Variants in POU6F1 observed in about 807,000 individuals in gnomAD.
POU6F1 encodes the protein POU domain, class 6, transcription factor 1.
POU6F1 carries 9 observed loss-of-function variants against 28.9 expected under a neutral mutation model. The ratio of observed to expected loss-of-function variants is 0.31; its 90% CI spans 0.19 to 0.54. POU6F1 has a LOEUF of 0.54. POU6F1 is among the 20% of genes least tolerant of loss of function. POU6F1 has a pLI of 0.94. For synonymous variants in POU6F1, 173 were observed against 171.1 expected (o/e 1.01, Z -0.09); for missense variants, 338 against 426.1 (o/e 0.79, Z 1.82).
At position 51,187,125 on chromosome 12, in the gene POU6F1, C is replaced by A. The variant is rs1942074359; in HGVS notation, c.*3122G>T. ...GGGCATGGGAAGGTAATTGGATTTC[C>A]AAGAACACAAAAATGTCAGAGTCTC... On this transcript the variant is annotated 3_prime_UTR_variant, in exon 11 of 11. Transcript: ENST00000333640. The A allele has an allele frequency of 3.9e-5, 6 of 152,228 alleles. No individual in the cohort carries two copies. In the South Asian group the frequency reaches 1.2e-3, roughly 32 times the overall value. The allele number at this position is 152,228 out of a possible 1,614,324, so 9.4% of individuals were successfully genotyped here.
In POU6F1 at chr12:51,201,306, G is replaced by A. The variant is rs189280898; in HGVS notation, c.245-1438C>T. Among the ~76,000 whole-genome samples, 1,126 of 152,148 alleles carry A rather than the reference G, an allele frequency of 7.4e-3. 4 individuals carry two copies. Among genetic ancestry groups the A allele is most frequent in the Non-Finnish European group, 0.011 (746 of 68,006 alleles). On this transcript the variant is annotated intron_variant, in intron 3 of 10. Transcript: ENST00000333640. ...CAAGAGACAAGCACACACCAACAAA[G>A]GCCTTATGAAATAGTAAAAGAAAAC...
chr12:51,196,267 T>C (rs1459465908), intron 7 of POU6F1, 94 bp from the exon 8 acceptor site: 1 of 1,093,902 alleles, frequency 9.1e-7, no homozygotes, highest in African/African-American at 1.6e-5. Context: ...AACAGACTAA[T>C]GGACAAATCC....
chr12:51,191,864 G>A, intron 9 of POU6F1, 100 bp from the exon 10 acceptor site: 2 of 1,432,046 alleles, frequency 1.4e-6, no homozygotes, highest in Non-Finnish European at 9.7e-7. Context: ...GAGAGGTGAG[G>A]ACACCTGGGA....
At chr12:51,209,040 C>T (rs887517768) in intron 1 of POU6F1, among the ~76,000 whole-genome samples, 8 of 152,220 alleles carry the variant, frequency 5.3e-5, no homozygotes, top group Non-Finnish European at 8.8e-5. Context: ...TCTTGGACTT[C>T]CCACCTTCAG....
At chr12:51,205,962 G>A (rs1592183148) in intron 2 of POU6F1, among the ~76,000 whole-genome samples, 1 of 150,178 alleles carries the variant, frequency 6.7e-6, no homozygotes, top group Non-Finnish European at 1.5e-5. Context: ...GGGATTACAG[G>A]TGCCCACCAC....
At chr12:51,205,881 C>T (rs572789967) in intron 2 of POU6F1, among the ~76,000 whole-genome samples, 11 of 148,442 alleles carry the variant, frequency 7.4e-5, no homozygotes, top group African/African-American at 2.5e-4. Context: ...TTCAGTGGCG[C>T]GATCTCGGCT....
In POU6F1 at chr12:51,195,972, C is replaced by A; in HGVS notation, c.1177G>T (p.Glu393Ter). Residue 393 changes from glutamate (E) to a stop codon, truncating the protein, a stop_gained and splice_region_variant, in exon 8 of 11, where the codon GAG becomes TAG. Transcript: ENST00000333640. LOFTEE classifies it high-confidence loss of function. The stretch of plus-strand genomic sequence containing the variant: ...CCCACCCCCCCCAGCCCCTGTACCT[C>A]ACTCTTAGCAGGGGACTCAGGTGTG... ...PSTPESPAKS[E>*]VQPIQPTPTV... The A allele has an allele frequency of 8.8e-7, 1 of 1,139,680 alleles. No homozygotes were observed. The highest frequency in any genetic ancestry group is 1.6e-5 in the African/African-American group (1 of 62,150). The allele number at this position is 1,139,680 out of a possible 1,614,324, so 70.6% of individuals were successfully genotyped here.
chr12:51,213,676 G>A (rs1278491609), intron 1 of POU6F1, among the ~76,000 whole-genome samples: 2 of 151,980 alleles, frequency 1.3e-5, no homozygotes, highest in African/African-American at 2.4e-5. Flanking sequence ...TGGGACTACA[G>A]GCGCCCACCA....
rs772024002 is a variant in POU6F1 at position 51,190,376 on chromosome 12, G to T, written c.1707C>A (p.Pro569=). The change falls in exon 11 of 11, where the codon CCC becomes CCA. Residue 569 remains proline, a synonymous_variant. Coordinates refer to ENST00000333640, the MANE Select transcript of POU6F1 (RefSeq NM_001330422.2). The surrounding 1 kb of genome is among the most constrained non-coding windows in gnomAD (Gnocchi z 4.5). The part of the protein sequence containing the change: ...LNAYFEKNPL[P]TGQEITEIAK... ...CAATTTCAGTGATCTCCTGGCCTGT[G>T]GGCAGTGGGTTCTTCTCAAAATAGG... 6 of 1,614,060 alleles carry T rather than the reference G, an allele frequency of 3.7e-6. No homozygotes were observed. The African/African-American group carries it at 8.0e-5, about 22-fold the overall frequency.
At chr12:51,197,243 G>T (rs1012319562) in intron 6 of POU6F1, among the ~76,000 whole-genome samples, 7 of 151,474 alleles carry the variant, frequency 4.6e-5, no homozygotes, top group Non-Finnish European at 1.0e-4. Flanking sequence ...GGGGTCTACC[G>T]GCTGGATGGT....
intron 1 of POU6F1, among the ~76,000 whole-genome samples, chr12:51,210,592 T>G (rs999293252): frequency 3.3e-5 from 5 of 152,146 alleles, no homozygotes; most frequent in African/African-American, 1.2e-4. Flanking sequence ...TGTGACTGTG[T>G]TATTAGGAGG....
intron 8 of POU6F1, 32 bp downstream of exon 8, chr12:51,195,938 G>A (rs1385500115): frequency 3.3e-6 from 3 of 916,232 alleles, no homozygotes; most frequent in African/African-American, 1.8e-5. Context: ...AGCAGAGCCT[G>A]CCCCACCCCC....
At chr12:51,214,523 C>T (rs927153463) in intron 1 of POU6F1, among the ~76,000 whole-genome samples, 42 of 152,154 alleles carry the variant, frequency 2.8e-4, no homozygotes, top group Non-Finnish European at 8.8e-5. Flanking sequence ...TCCACACCGA[C>T]GCCTGTCCCC....
chr12:51,196,135 A>G lies in POU6F1; in HGVS notation c.1014T>C (p.Ser338=). 1 of 1,566,296 alleles carries G rather than the reference A, an allele frequency of 6.4e-7. No homozygotes were observed. Among genetic ancestry groups the G allele is most frequent in the Non-Finnish European group, 8.6e-7 (1 of 1,158,808 alleles). Residue 338 remains serine, a synonymous_variant, in exon 8 of 11, where the codon AGT becomes AGC. Coordinates refer to ENST00000333640, the MANE Select transcript of POU6F1 (RefSeq NM_001330422.2). The stretch of plus-strand genomic sequence containing the variant: ...TTTGGGCTGGTGCTGGGGCCGCCAC[A>G]CTAGCTGAGTTCACTACCCATGGAA... The part of the protein sequence containing the change: ...GTLPWVVNSA[S]VAAPAPAQSL...
chr12:51,212,147 C>G (rs1000962269), intron 1 of POU6F1, among the ~76,000 whole-genome samples: 2 of 151,540 alleles, frequency 1.3e-5, no homozygotes, highest in South Asian at 4.2e-4. Context: ...AGGCTGGAGT[C>G]CAGTGGCACA....
In POU6F1 at chr12:51,217,080, C is replaced by G. The variant is rs914618580; in HGVS notation, c.-48+562G>C. Among the ~76,000 whole-genome samples the G allele has an allele frequency of 6.6e-6, 1 of 152,222 alleles. No individual in the cohort carries two copies. Among genetic ancestry groups the G allele is most frequent in the African/African-American group, 2.4e-5 (1 of 41,452 alleles). ...GGTGGCCCTCCCATCACTGACCCACCCTTCCAGCAACGCCTGGGTCCCTAC... is the reference window on the plus strand; with the variant it reads ...GGTGGCCCTCCCATCACTGACCCACGCTTCCAGCAACGCCTGGGTCCCTAC... On this transcript the variant is annotated intron_variant, in intron 1 of 10. Coordinates refer to ENST00000333640, the MANE Select transcript of POU6F1 (RefSeq NM_001330422.2). This position sits in a 1 kb window ranked among gnomAD's most constrained non-coding sequence, Gnocchi z 5.3.
rs1410337748 is a variant in POU6F1 at position 51,187,588 on chromosome 12, T to A, written c.*2659A>T. 6.6e-6 allele frequency: 1 copy of A among 152,192 alleles called. No homozygotes were observed. The highest frequency in any genetic ancestry group is 1.9e-4 in the East Asian group (1 of 5,200). The allele number at this position is 152,192 out of a possible 1,614,324, so 9.4% of individuals were successfully genotyped here. On this transcript the variant is annotated 3_prime_UTR_variant, in exon 11 of 11. Coordinates refer to ENST00000333640, the MANE Select transcript of POU6F1 (RefSeq NM_001330422.2). ...CAGGGACACCCTGCACCCCCATGCCTGGGGAACTCAGCCTGCAAACCTCCC... is the reference window on the plus strand; with the variant it reads ...CAGGGACACCCTGCACCCCCATGCCAGGGGAACTCAGCCTGCAAACCTCCC...
intron 6 of POU6F1, among the ~76,000 whole-genome samples, chr12:51,197,204 G>A (rs538186843): frequency 2.4e-4 from 35 of 147,922 alleles, no homozygotes; most frequent in Middle Eastern, 3.5e-3. Flanking sequence ...AGGGCTAGGG[G>A]TCTACCGGCT....
Position 51,190,168 on chromosome 12 carries a change from G to A in POU6F1, c.*79C>T. ...ACAGCTGCACGTGGCAAAATGACAG[G>A]TGCTGTCATGGCAGTGGCTGCAGCC... On this transcript the variant is annotated 3_prime_UTR_variant, in exon 11 of 11. Coordinates refer to ENST00000333640, the MANE Select transcript of POU6F1 (RefSeq NM_001330422.2). The surrounding 1 kb of genome is among the most constrained non-coding windows in gnomAD (Gnocchi z 4.5). 6.5e-7 allele frequency: 1 copy of A among 1,540,606 alleles called. No individual in the cohort carries two copies. Among genetic ancestry groups the A allele is most frequent in the Non-Finnish European group, 8.7e-7 (1 of 1,145,594 alleles).
Sources: allele counts gnomAD v4.1 joint callset (sites outside exome capture counted in the v4.1 genomes callset), GRCh38; gene constraint gnomAD v4.1.1; non-coding constraint Gnocchi (gnomAD v3.1); transcripts MANE v1.5; gene names NCBI Gene and HGNC (gene_info 2026-07-23, HGNC 2026-07-21).